RYR3: variants seen among roughly 807,000 people sequenced by gnomAD.
RYR3 encodes brain ryanodine receptor-calcium release channel.
RYR3 carries 207 observed loss-of-function variants against 584.3 expected under a neutral mutation model. That is an observed-to-expected ratio of 0.35 (90% CI 0.32 to 0.40). The LOEUF is 0.40. Among genes scored for constraint, RYR3 ranks in the 10% least tolerant of loss-of-function variants. The pLI is 1.00. For synonymous variants in RYR3, 2,416 were observed against 2,248.5 expected, an observed-to-expected ratio of 1.07 and a Z score of -2.11; for missense variants, 5,616 against 6,089.2, an observed-to-expected ratio of 0.92 and a Z score of 2.59.
chr15:33,527,605 G>C (rs55909166), intron 3 of RYR3, among the ~76,000 whole-genome samples: 3 of 148,038 alleles, frequency 2.0e-5, no homozygotes, highest in Admixed American at 6.8e-5. Context: ...AAAAAAAGGC[G>C]TATCATATTT....
chr15:33,432,697 T>TGTGTGTGTGTGTGTGTG (rs1555469372), intron 1 of RYR3, among the ~76,000 whole-genome samples: 10 of 148,996 alleles, frequency 6.7e-5, no homozygotes, highest in African/African-American at 2.3e-4. Context: ...TGTGTGTGTG[T>TGTGTGTGTGTGTGTGTG]TTAAAGTAGA....
intron 60 of RYR3, among the ~76,000 whole-genome samples, chr15:33,761,366 G>A (rs906352039): frequency 2.6e-5 from 4 of 151,958 alleles, no homozygotes; most frequent in Admixed American, 6.6e-5. Flanking sequence ...GACTAATAAA[G>A]AAGAAAAGAG....
intron 64 of RYR3, among the ~76,000 whole-genome samples, chr15:33,775,315 A>C (rs1029847311): frequency 1.1e-5 from 1 of 90,160 alleles, no homozygotes; most frequent in Non-Finnish European, 2.1e-5. Flanking sequence ...TATTAGGTAC[A>C]TTGCTAGTTC....
At chr15:33,721,135 G>A (rs2067876162) in intron 43 of RYR3, among the ~76,000 whole-genome samples, 1 of 152,186 alleles carries the variant, frequency 6.6e-6, no homozygotes, top group Non-Finnish European at 1.5e-5. Context: ...CTGTCCTTCT[G>A]GATAAGTTGT....
chr15:33,614,470 T>G (rs1339934405), intron 19 of RYR3, among the ~76,000 whole-genome samples: 1 of 152,202 alleles, frequency 6.6e-6, no homozygotes, highest in Non-Finnish European at 1.5e-5. Flanking sequence ...ATTTGTTATT[T>G]TAAATCTTTG....
intron 92 of RYR3, 140 bp from the exon 93 acceptor site, chr15:33,844,721 TA>T (rs1449550775): frequency 1.2e-5 from 9 of 729,098 alleles, no homozygotes; most frequent in Admixed American, 3.0e-5. Flanking sequence ...ATAAGTCACC[TA>T]AAAACCTCAT....
chr15:33,326,037 C>A (rs1393778485), intron 1 of RYR3, among the ~76,000 whole-genome samples: 1 of 152,118 alleles, frequency 6.6e-6, no homozygotes, highest in East Asian at 1.9e-4. Flanking sequence ...CTCCTAAGCT[C>A]AAGCAACCTG....
chr15:33,450,699 G>A (rs1272287972), intron 1 of RYR3, among the ~76,000 whole-genome samples: 1 of 151,636 alleles, frequency 6.6e-6, no homozygotes. Context: ...GCAGAGTACT[G>A]AGTCCTGGCT....
intron 1 of RYR3, among the ~76,000 whole-genome samples, chr15:33,403,103 A>G (rs1344226699): frequency 6.6e-6 from 1 of 152,240 alleles, no homozygotes; most frequent in Non-Finnish European, 1.5e-5. Context: ...TGGTCAAGAG[A>G]GCTGCTATTG....
Position 33,543,605 on chromosome 15 carries a change from A to G in RYR3, c.647-17A>G, listed in dbSNP as rs2056007088. Reference sequence around the variant, plus strand: ...TAAACTTCCCATCATTCACAGTAGAATATAATTCTCTTACAGGATACCTAC... The same window carrying G: ...TAAACTTCCCATCATTCACAGTAGAGTATAATTCTCTTACAGGATACCTAC... On this transcript the variant is annotated splice_polypyrimidine_tract_variant and intron_variant, in intron 7 of 103. Coordinates refer to ENST00000634891, the MANE Select transcript of RYR3 (RefSeq NM_001036.6). 2.0e-6 allele frequency: 3 copies of G among 1,497,672 alleles called. No homozygotes were observed. The South Asian group carries it at 3.4e-5, about 17-fold the overall frequency. 92.8% of individuals were successfully genotyped at this position (1,497,672 alleles called of 1,614,324 possible).
At chr15:33,684,701 G>C (rs2064867220) in intron 38 of RYR3, among the ~76,000 whole-genome samples, 1 of 152,186 alleles carries the variant, frequency 6.6e-6, no homozygotes, top group African/African-American at 2.4e-5. Context: ...CAGCCAGAGA[G>C]AAAGGTTGCG....
intron 5 of RYR3, among the ~76,000 whole-genome samples, chr15:33,536,126 G>C (rs939722666): frequency 3.9e-5 from 6 of 152,132 alleles, no homozygotes; most frequent in Admixed American, 1.3e-4. Context: ...CCAACAGAAG[G>C]GTCCCCTGTT....
chr15:33,647,524 C>T, intron 30 of RYR3, 64 bp downstream of exon 30: 2 of 1,180,718 alleles, frequency 1.7e-6, no homozygotes, highest in Non-Finnish European at 2.5e-6. Flanking sequence ...GGTAATATGC[C>T]CCTTACAGCA....
At chr15:33,608,176 A>G (rs963524285) in intron 18 of RYR3, among the ~76,000 whole-genome samples, 3 of 152,334 alleles carry the variant, frequency 2.0e-5, no homozygotes, top group Admixed American at 2.0e-4. Flanking sequence ...CACTGTGCCC[A>G]TTTTACAGAT....
chr15:33,570,430 A>G (rs2057964449), intron 12 of RYR3, among the ~76,000 whole-genome samples: 2 of 152,156 alleles, frequency 1.3e-5, no homozygotes, highest in Admixed American at 6.6e-5. Context: ...GTTCTGTTCC[A>G]TTGATCTATA....
rs576098340 is a variant in RYR3 at position 33,465,405 on chromosome 15, C to G, written c.52-8014C>G. Among the ~76,000 whole-genome samples, 5 of 152,248 alleles carry G rather than the reference C, an allele frequency of 3.3e-5. No individual in the cohort carries two copies. The South Asian group carries it at 1.0e-3, about 32-fold the overall frequency. On this transcript the variant is annotated intron_variant, in intron 1 of 103. Coordinates refer to ENST00000634891, the MANE Select transcript of RYR3 (RefSeq NM_001036.6). ...ACTTCTGTACCAATTTCCAGTCCCA[C>G]CCAGGGAATGGTTTTCAGTGTACAT...
intron 70 of RYR3, among the ~76,000 whole-genome samples, chr15:33,809,952 G>T (rs1321255347): frequency 6.6e-6 from 1 of 152,132 alleles, no homozygotes; most frequent in Non-Finnish European, 1.5e-5. Flanking sequence ...CCTTCAGCTG[G>T]ATTCCAAAGC....
At chr15:33,729,387 GAT>G (rs2068747571) in intron 47 of RYR3, among the ~76,000 whole-genome samples, 1 of 152,068 alleles carries the variant, frequency 6.6e-6, no homozygotes, top group African/African-American at 2.4e-5. Flanking sequence ...ATCAATTTCA[GAT>G]ATCACCAGAT....
At chr15:33,725,454 G>T (rs1010636280) in intron 45 of RYR3, among the ~76,000 whole-genome samples, 1 of 152,156 alleles carries the variant, frequency 6.6e-6, no homozygotes, top group Non-Finnish European at 1.5e-5. Flanking sequence ...CCCCGCCAGA[G>T]ACTGCCTGTG....
Sources: gnomAD v4.1 joint callset for allele counts (sites outside exome capture counted in the v4.1 genomes callset) on GRCh38, gnomAD v4.1.1 for gene constraint, MANE v1.5 for transcripts, NCBI Gene and HGNC (gene_info 2026-07-23, HGNC 2026-07-21) for gene names.